The following RYR1 variants were observed in gnomAD, a reference collection of about 807,000 sequenced individuals.
RYR1 encodes the protein central core disease of muscle.
RYR1 carries 342 observed loss-of-function variants against 583.5 expected under a neutral mutation model. The observed-to-expected ratio is 0.59, with a 90% confidence interval of 0.54 to 0.64. The LOEUF is 0.64. Ranked by LOEUF, RYR1 falls within the 30% of genes least tolerant of loss-of-function variation. The probability of loss-of-function intolerance (pLI) is 0.00; values close to 1 mark genes in which losing one functional copy is unlikely to be tolerated. For synonymous variants in RYR1, 2,791 were observed against 2,822.5 expected, an observed-to-expected ratio of 0.99 and a Z score of 0.35; for missense variants, 6,032 against 6,917.2, an observed-to-expected ratio of 0.87 and a Z score of 4.54.
At chr19:38,581,400 C>T (rs368292444) in intron 101 of RYR1, among the ~76,000 whole-genome samples, 9 of 151,956 alleles carry the variant, frequency 5.9e-5, no homozygotes, top group African/African-American at 1.9e-4. Context: ...TTAGTAGAGA[C>T]GGAGTTTCAC....
At chr19:38,507,905 C>T in intron 58 of RYR1, 78 bp downstream of exon 58, 1 of 844,174 alleles carries the variant, frequency 1.2e-6, no homozygotes, top group Non-Finnish European at 2.1e-6. Flanking sequence ...CCTAGGACAC[C>T]TGTTCATGCA....
intron 89 of RYR1, among the ~76,000 whole-genome samples, chr19:38,553,857 G>T (rs1484130208): frequency 6.6e-6 from 1 of 152,124 alleles, no homozygotes; most frequent in Non-Finnish European, 1.5e-5. Context: ...AACATCACTG[G>T]TCTGCATTAT....
In RYR1 at chr19:38,463,694, G is replaced by T. The variant is rs533793186; in HGVS notation, c.2683-53G>T. 5 of 1,552,754 alleles carry T rather than the reference G, an allele frequency of 3.2e-6. No homozygotes were observed. In the African/African-American group the frequency reaches 6.8e-5, roughly 21 times the overall value. ...GTCAGGGGTCATAGTCTGGGCATGT[G>T]GGGAGTGGGAAGGAAAGGGGAGCAC... On this transcript the variant is annotated intron_variant, in intron 21 of 105. Coordinates refer to ENST00000359596, the MANE Select transcript of RYR1 (RefSeq NM_000540.3).
chr19:38,554,828 A>G (rs994867012), intron 89 of RYR1, among the ~76,000 whole-genome samples: 2 of 152,146 alleles, frequency 1.3e-5, no homozygotes, highest in Non-Finnish European at 2.9e-5. Context: ...TCTTGAGGTT[A>G]TCTTCATTGT....
At chr19:38,521,839 TG>T (rs944217818) in intron 67 of RYR1, among the ~76,000 whole-genome samples, 4 of 151,174 alleles carry the variant, frequency 2.6e-5, no homozygotes, top group Non-Finnish European at 5.9e-5. Context: ...CCTGAGTAGC[TG>T]GGACCACAGG....
intron 61 of RYR1, 50 bp downstream of exon 61, chr19:38,511,660 A>G: frequency 6.3e-7 from 1 of 1,587,778 alleles, no homozygotes; most frequent in South Asian, 1.1e-5. Context: ...TCTCTTCCCC[A>G]CCCTGAAGAA....
At chr19:38,518,418 A>AG (rs1330206067) in intron 66 of RYR1, among the ~76,000 whole-genome samples, 13 of 151,464 alleles carry the variant, frequency 8.6e-5, no homozygotes, top group South Asian at 2.1e-4. Flanking sequence ...AAAAAAAAAA[A>AG]AAAAAGAAAT....
rs76424018 is a variant in RYR1 at position 38,485,143 on chromosome 19, G to C, written c.4935-447G>C. On this transcript the variant is annotated intron_variant, in intron 33 of 105. Coordinates refer to ENST00000359596, the MANE Select transcript of RYR1 (RefSeq NM_000540.3). The stretch of plus-strand genomic sequence containing the variant: ...CTAGTATACTCAGACCTGCCAGAGG[G>C]GGACCCAGTCTGGGGGCCCAAACAC... Among the ~76,000 whole-genome samples the C allele has an allele frequency of 2.5e-3, 375 of 152,248 alleles. 12 individuals carry two copies. In the East Asian group the frequency reaches 0.04, roughly 16 times the overall value.
At position 38,444,727 on chromosome 19, in the gene RYR1, C is replaced by A; in HGVS notation, c.631+50C>A. 7.1e-7 allele frequency: 1 copy of A among 1,405,154 alleles called. No homozygotes were observed. 87.0% of individuals were successfully genotyped at this position (1,405,154 alleles called of 1,614,324 possible). On this transcript the variant is annotated intron_variant, in intron 7 of 105. Coordinates refer to ENST00000359596, the MANE Select transcript of RYR1 (RefSeq NM_000540.3). This position sits in a 1 kb window ranked among gnomAD's most constrained non-coding sequence, Gnocchi z 5.1. ...AATGGAGATCCCCCCAAAACAGACC[C>A]TTAATGTTGCCCTTCAGGCATACCC...
chr19:38,566,875 G>T (rs944245546), intron 91 of RYR1, 36 bp from the exon 92 acceptor site: 2 of 1,583,356 alleles, frequency 1.3e-6, no homozygotes, highest in African/African-American at 1.3e-5. Flanking sequence ...AGCGCTTAGG[G>T]TGAGGACTCA....
At position 38,564,997 on chromosome 19, in the gene RYR1, G is replaced by T; in HGVS notation, c.12663G>T (p.Val4221=). Residue 4221 remains valine (V), a synonymous_variant, in exon 91 of 106, where the codon GTG becomes GTT. Transcript: ENST00000359596. The part of the protein sequence containing the change: ...ESKRQFIFDV[V]NEGGEAEKME... ...AGCGCCAGTTCATCTTCGACGTGGT[G>T]AACGAGGGCGGCGAGGCTGAGAAGA... 6.3e-7 allele frequency: 1 copy of T among 1,592,750 alleles called. No homozygotes were observed.
chr19:38,454,354 T>G (rs1297498664), intron 13 of RYR1, among the ~76,000 whole-genome samples: 1 of 152,246 alleles, frequency 6.6e-6, no homozygotes. Flanking sequence ...TTGTCCTTTT[T>G]GTTGATTTCA....
intron 27 of RYR1, 38 bp from the exon 28 acceptor site, chr19:38,473,339 G>T: frequency 1.9e-6 from 3 of 1,612,950 alleles, no homozygotes; most frequent in Non-Finnish European, 1.7e-6. Flanking sequence ...GGCCTAGCCC[G>T]CCTGCCCAGC....
At chr19:38,574,229 C>T (rs1446357222) in intron 96 of RYR1, among the ~76,000 whole-genome samples, 1 of 138,812 alleles carries the variant, frequency 7.2e-6, no homozygotes, top group Non-Finnish European at 1.5e-5. Flanking sequence ...CTCTGCACTC[C>T]AGCCTGGGCA....
intron 54 of RYR1, 37 bp downstream of exon 54, chr19:38,505,983 T>TTTG: frequency 1.3e-6 from 2 of 1,574,754 alleles, no homozygotes; most frequent in South Asian, 1.1e-5. Context: ...AGGGGCACGA[T>TTTG]GGGGGGAGGG....
intron 31 of RYR1, among the ~76,000 whole-genome samples, chr19:38,480,887 C>T (rs1456013238): frequency 2.6e-5 from 4 of 151,628 alleles, no homozygotes; most frequent in African/African-American, 9.7e-5. Flanking sequence ...GCCACCACAC[C>T]CAGCTAATTT....
At chr19:38,448,614 C>A in intron 10 of RYR1, 35 bp from the exon 11 acceptor site, 1 of 1,614,182 alleles carries the variant, frequency 6.2e-7, no homozygotes, top group South Asian at 1.1e-5. Flanking sequence ...AACACACAGG[C>A]AGAGGAGGCT....
In RYR1 at chr19:38,458,170, G is replaced by A. The variant is rs372513400; in HGVS notation, c.2045G>A (p.Arg682Gln). 10 of 1,612,562 alleles carry A rather than the reference G, an allele frequency of 6.2e-6. No homozygotes were observed. The highest frequency in any genetic ancestry group is 2.2e-5 in the East Asian group (1 of 44,756). The change falls in exon 18 of 106, where the codon CGG becomes CAG. Residue 682 changes from arginine (R) to glutamine (Q), a missense_variant. By Grantham distance (43) the Arg-to-Gln change is conservative (BLOSUM62 1). Coordinates refer to ENST00000359596, the MANE Select transcript of RYR1 (RefSeq NM_000540.3). Reference sequence around the variant, plus strand: ...CTGACAGCTCAGGCCACCCACTTGCGGGTGGGCTGGGCCCTCACCGAGGGC... The same window carrying A: ...CTGACAGCTCAGGCCACCCACTTGCAGGTGGGCTGGGCCCTCACCGAGGGC... ...PFLTAQATHL[R>Q]VGWALTEGYT...
chr19:38,535,986 C>T lies in RYR1; in HGVS notation c.11517-11C>T, dbSNP rs764811829. On this transcript the variant is annotated splice_polypyrimidine_tract_variant and intron_variant, in intron 81 of 105. Coordinates refer to ENST00000359596, the MANE Select transcript of RYR1 (RefSeq NM_000540.3). Reference sequence around the variant, plus strand: ...ATCACATACCCCCTATCTTTCCTTTCTTTTCCTCAGCGTCCTGGATCTCAA... The same window carrying T: ...ATCACATACCCCCTATCTTTCCTTTTTTTTCCTCAGCGTCCTGGATCTCAA... 2.5e-6 allele frequency: 4 copies of T among 1,613,028 alleles called. No individual in the cohort carries two copies. The Admixed American group carries it at 6.7e-5, about 27-fold the overall frequency.
Sources: gnomAD v4.1 joint callset for allele counts (sites outside exome capture counted in the v4.1 genomes callset) on GRCh38, gnomAD v4.1.1 for gene constraint, Gnocchi (gnomAD v3.1) non-coding constraint, MANE v1.5 for transcripts, NCBI Gene and HGNC (gene_info 2026-07-23, HGNC 2026-07-21) for gene names.